The following NCKAP5 variants were observed in gnomAD, a reference collection of about 807,000 sequenced individuals.
NCKAP5 encodes NCK associated protein 5, also known as nck-associated protein 5.
A neutral mutation model predicts 167.0 loss-of-function variants in NCKAP5; 92 were observed. The ratio of observed to expected loss-of-function variants is 0.55; its 90% CI spans 0.47 to 0.66. The LOEUF (loss-of-function observed/expected upper bound fraction) is 0.66. Among genes scored for constraint, NCKAP5 ranks in the 30% least tolerant of loss-of-function variants. The probability of loss-of-function intolerance (pLI) is 0.00; values close to 1 mark genes in which losing one functional copy is unlikely to be tolerated. For synonymous variants in NCKAP5, 891 were observed against 877.4 expected, an observed-to-expected ratio of 1.02 and a Z score of -0.27; for missense variants, 2,378 against 2,315.0, an observed-to-expected ratio of 1.03 and a Z score of -0.56.
chr2:133,197,451 T>G (rs938548796), intron 5 of NCKAP5, among the ~76,000 whole-genome samples: 4 of 152,160 alleles, frequency 2.6e-5, no homozygotes, highest in African/African-American at 9.7e-5. Flanking sequence ...ATCTTTTGAA[T>G]TAAAGCAAGA....
At chr2:133,496,149 C>T (rs943561124) in intron 3 of NCKAP5, among the ~76,000 whole-genome samples, 13 of 152,042 alleles carry the variant, frequency 8.6e-5, no homozygotes, top group African/African-American at 3.1e-4. Flanking sequence ...TTCTTGAGTC[C>T]CTGATTGATT....
chr2:133,556,948 T>TA (rs1687781436), intron 2 of NCKAP5: 1 of 152,206 alleles, frequency 6.6e-6, no homozygotes, highest in African/African-American at 2.4e-5. Context: ...AGAAGGAACA[T>TA]ACTCATTTGG....
At chr2:132,941,142 C>T (rs750307420) in intron 8 of NCKAP5, among the ~76,000 whole-genome samples, 1 of 152,138 alleles carries the variant, frequency 6.6e-6, no homozygotes, top group Non-Finnish European at 1.5e-5. Flanking sequence ...GTTGTTAATA[C>T]CCAGTCTAGA....
At chr2:133,152,503 C>T (rs1559197910) in intron 5 of NCKAP5, among the ~76,000 whole-genome samples, 2 of 152,242 alleles carry the variant, frequency 1.3e-5, no homozygotes, top group East Asian at 3.9e-4. Flanking sequence ...AGAAGTCTCC[C>T]AACTGCAAAT....
At chr2:133,274,261 T>C (rs771652404) in intron 4 of NCKAP5, among the ~76,000 whole-genome samples, 2 of 151,660 alleles carry the variant, frequency 1.3e-5, no homozygotes, top group Non-Finnish European at 2.9e-5. Flanking sequence ...TTATTAGAAG[T>C]GTATACTTTT....
At chr2:132,822,941 G>A (rs771740581) in intron 11 of NCKAP5, among the ~76,000 whole-genome samples, 6 of 152,156 alleles carry the variant, frequency 3.9e-5, no homozygotes, top group Non-Finnish European at 8.8e-5. Flanking sequence ...ACTAGGATAA[G>A]TAGAAGAAAG....
intron 3 of NCKAP5, among the ~76,000 whole-genome samples, chr2:133,326,016 T>C (rs1297390031): frequency 2.6e-5 from 4 of 152,236 alleles, no homozygotes; most frequent in South Asian, 2.1e-4. Context: ...CCAATAATGA[T>C]GCTGTCTTTC....
intron 11 of NCKAP5, among the ~76,000 whole-genome samples, chr2:132,829,621 C>G (rs1687378480): frequency 6.6e-6 from 1 of 152,082 alleles, no homozygotes; most frequent in African/African-American, 2.4e-5. Context: ...TGCTTCCCGA[C>G]CCCTGATCTG....
intron 5 of NCKAP5, among the ~76,000 whole-genome samples, chr2:133,145,585 G>A (rs1044055003): frequency 2.0e-5 from 3 of 152,172 alleles, no homozygotes; most frequent in Admixed American, 6.6e-5. Context: ...GCTGGCCTAG[G>A]AGGGGAAGAG....
At chr2:133,018,268 T>G (rs753151950) in intron 6 of NCKAP5, among the ~76,000 whole-genome samples, 23 of 152,194 alleles carry the variant, frequency 1.5e-4, no homozygotes, top group Non-Finnish European at 2.6e-4. Flanking sequence ...GGAAGCCACG[T>G]AGAAGAGGCC....
chr2:132,936,643 T>G (rs1018742297), intron 8 of NCKAP5, among the ~76,000 whole-genome samples: 1 of 152,104 alleles, frequency 6.6e-6, no homozygotes, highest in East Asian at 1.9e-4. Flanking sequence ...GAGAAAAATA[T>G]AACCAAAAGA....
At chr2:133,332,344 C>T (rs1211267918) in intron 3 of NCKAP5, among the ~76,000 whole-genome samples, 1 of 152,146 alleles carries the variant, frequency 6.6e-6, no homozygotes, top group Admixed American at 6.5e-5. Context: ...ATCCAACACT[C>T]CAATGCACCC....
At chr2:133,277,751 G>C (rs557554412) in intron 4 of NCKAP5, among the ~76,000 whole-genome samples, 1 of 152,226 alleles carries the variant, frequency 6.6e-6, no homozygotes, top group South Asian at 2.1e-4. Flanking sequence ...TTACTATAAA[G>C]TTTCTAAAAT....
intron 6 of NCKAP5, chr2:133,123,235 G>T (rs533259023): frequency 6.6e-6 from 1 of 152,270 alleles, no homozygotes; most frequent in African/African-American, 2.4e-5. Flanking sequence ...AAACAATAAA[G>T]TAATGTTCAG....
intron 13 of NCKAP5, among the ~76,000 whole-genome samples, chr2:132,789,387 T>C (rs1023369870): frequency 1.3e-5 from 2 of 152,194 alleles, no homozygotes; most frequent in African/African-American, 4.8e-5. Flanking sequence ...TCCCAGGGAA[T>C]AAGCCCTAAA....
intron 16 of NCKAP5, 76 bp from the exon 17 acceptor site, chr2:132,732,127 G>A (rs1007049018): frequency 1.7e-5 from 23 of 1,377,266 alleles, no homozygotes; most frequent in Middle Eastern, 1.9e-4. Context: ...GGAAATTGGG[G>A]TATGATCTGG....
intron 4 of NCKAP5, among the ~76,000 whole-genome samples, chr2:133,296,779 C>T (rs1011171204): frequency 1.3e-5 from 2 of 152,166 alleles, no homozygotes; most frequent in African/African-American, 4.8e-5. Flanking sequence ...GAGTCCAAGT[C>T]CCCAAAACCT....
At chr2:132,704,350 C>T (rs1432675295) in intron 19 of NCKAP5, among the ~76,000 whole-genome samples, 1 of 152,186 alleles carries the variant, frequency 6.6e-6, no homozygotes, top group African/African-American at 2.4e-5. Context: ...GATTGAACTC[C>T]TGGTCATTCT....
In NCKAP5 at chr2:133,204,651, G is replaced by A. The variant is rs183180555; in HGVS notation, c.207+9065C>T. Among the ~76,000 whole-genome samples the A allele has an allele frequency of 1.3e-3, 195 of 152,282 alleles. 1 individual carries two copies. Among genetic ancestry groups the A allele is most frequent in the African/African-American group, 4.5e-3 (187 of 41,548 alleles). Reference sequence around the variant, plus strand: ...TAGTGATTTTCTAGGACTGAAACATGTAAGTGGGATTGCTGGGTCACAGGC... The same window carrying A: ...TAGTGATTTTCTAGGACTGAAACATATAAGTGGGATTGCTGGGTCACAGGC... On this transcript the variant is annotated intron_variant, in intron 5 of 19. Coordinates refer to ENST00000409261, the MANE Select transcript of NCKAP5 (RefSeq NM_207363.3).
Sources: gnomAD v4.1 joint callset for allele counts (sites outside exome capture counted in the v4.1 genomes callset) on GRCh38, gnomAD v4.1.1 for gene constraint, MANE v1.5 for transcripts, NCBI Gene and HGNC (gene_info 2026-07-23, HGNC 2026-07-21) for gene names.